RUBCN: variants seen among roughly 807,000 people sequenced by gnomAD.
RUBCN encodes the protein rubicon autophagy regulator, also known as run domain Beclin-1-interacting and cysteine-rich domain-containing protein.
Under a neutral mutation model 113.2 loss-of-function variants are expected in RUBCN, and 74 were observed. The observed-to-expected ratio is 0.65, with a 90% confidence interval of 0.54 to 0.79. The LOEUF is 0.79. Ranked by LOEUF, RUBCN falls within the 30% of genes least tolerant of loss-of-function variation. The pLI is 0.00. For missense variants in RUBCN, 1,109 were observed against 1,251.7 expected (o/e 0.89, Z 1.72); for synonymous variants, 480 against 490.0 (o/e 0.98, Z 0.27).
intron 11 of RUBCN, among the ~76,000 whole-genome samples, chr3:197,688,396 C>A (rs567825412): frequency 6.6e-6 from 1 of 152,190 alleles, no homozygotes; most frequent in Admixed American, 6.5e-5. Flanking sequence ...TGAGCCACCA[C>A]GTGAGGCTTC....
rs964014243 is a variant in RUBCN at position 197,681,920 on chromosome 3, G to C, written c.2127-21C>G. The C allele has an allele frequency of 6.2e-7, 1 of 1,606,448 alleles. No homozygotes were observed. The highest frequency in any genetic ancestry group is 1.3e-5 in the African/African-American group (1 of 74,832). On this transcript the variant is annotated intron_variant, in intron 14 of 19. Coordinates refer to ENST00000296343, the MANE Select transcript of RUBCN (RefSeq NM_014687.4). This position sits in a 1 kb window ranked among gnomAD's most constrained non-coding sequence, Gnocchi z 5.5. Reference sequence around the variant, plus strand: ...TCCTCCTGAGGAAGGGTAAGGACAGGGCATTGGCACAGAGCAGCTGCGTGA... The same window carrying C: ...TCCTCCTGAGGAAGGGTAAGGACAGCGCATTGGCACAGAGCAGCTGCGTGA...
chr3:197,689,932 C>T (rs946520236), intron 11 of RUBCN, among the ~76,000 whole-genome samples: 3 of 152,174 alleles, frequency 2.0e-5, no homozygotes, highest in Admixed American at 2.0e-4. Context: ...GTTGAACCCA[C>T]TAACCAACCT....
At chr3:197,732,180 T>C (rs1727588012) in intron 1 of RUBCN, among the ~76,000 whole-genome samples, 3 of 152,214 alleles carry the variant, frequency 2.0e-5, no homozygotes, top group African/African-American at 2.4e-5. Context: ...GAGCAGTACA[T>C]GTACCTGAGC....
chr3:197,730,176 G>C (rs1339124224), intron 1 of RUBCN, among the ~76,000 whole-genome samples: 1 of 152,104 alleles, frequency 6.6e-6, no homozygotes, highest in East Asian at 1.9e-4. Context: ...ATTTTGGTAA[G>C]AGAACCCTGA....
intron 11 of RUBCN, among the ~76,000 whole-genome samples, chr3:197,685,634 A>C (rs1021237739): frequency 6.6e-6 from 1 of 152,244 alleles, no homozygotes; most frequent in Non-Finnish European, 1.5e-5. Flanking sequence ...ACAGAAGTCA[A>C]ATCTGTTGGT....
At chr3:197,677,155 G>T in intron 17 of RUBCN, 117 bp from the exon 18 acceptor site, 1 of 1,162,156 alleles carries the variant, frequency 8.6e-7, no homozygotes, top group Non-Finnish European at 1.3e-6. Flanking sequence ...CCATCAGCCA[G>T]CCCAAGGTTC....
chr3:197,698,606 T>A (rs1474813788), intron 7 of RUBCN, among the ~76,000 whole-genome samples: 2 of 151,422 alleles, frequency 1.3e-5, no homozygotes, highest in Admixed American at 1.3e-4. Flanking sequence ...AAACCAAACA[T>A]GCAAGTATAT....
At chr3:197,682,666 T>C (rs1721381250) in intron 13 of RUBCN, 51 bp from the exon 14 acceptor site, 1 of 1,602,106 alleles carries the variant, frequency 6.2e-7, no homozygotes, top group African/African-American at 1.4e-5. Context: ...GTGCTGCCCG[T>C]CATCTGGTGA....
intron 5 of RUBCN, among the ~76,000 whole-genome samples, chr3:197,702,967 T>C (rs1723848337): frequency 6.6e-6 from 1 of 152,134 alleles, no homozygotes; most frequent in South Asian, 2.1e-4. Context: ...AGGCTTGGTA[T>C]CCTTTGTCAA....
chr3:197,718,127 C>T lies in RUBCN; in HGVS notation c.69G>A (p.Arg23=), dbSNP rs191561054. The T allele has an allele frequency of 1.9e-4, 305 of 1,614,158 alleles. 1 individual carries two copies. The African/African-American group carries it at 2.7e-3, about 14-fold the overall frequency. The change falls in exon 2 of 20, where the codon AGG becomes AGA. Residue 23 remains arginine (R), a synonymous_variant. Transcript: ENST00000296343. ...AATTACCCAGCAACTGCCAGTGCTC[C>T]CTCCTGCAAGGGCATCAGTTACACC... is the stretch of plus-strand genomic sequence containing the variant. The part of the protein sequence containing the change: ...GEERLPEESR[R]EHWQLLGNLK...
rs1721207295 is a variant in RUBCN at position 197,681,281 on chromosome 3, T to C, written c.2278A>G (p.Ser760Gly). Residue 760 changes from serine to glycine, a missense_variant, in exon 16 of 20, where the codon AGC (serine) becomes GGC (glycine). Physicochemically the swap from Ser to Gly is moderately conservative, Grantham distance 56. Transcript: ENST00000296343. The surrounding 1 kb of genome is among the most constrained non-coding windows in gnomAD (Gnocchi z 5.5). ...CHENAQMAIP[S>G]RVLRKWDFSK... ...AAGTCCCACTTGCGCAGAACCCGGC[T>C]GGGGATGGCCATCTGGGCATTCTCG... The C allele has an allele frequency of 6.2e-7, 1 of 1,614,052 alleles. No homozygotes were observed. Among genetic ancestry groups the C allele is most frequent in the Non-Finnish European group, 8.5e-7 (1 of 1,180,022 alleles).
rs369763478 is a variant in RUBCN at position 197,675,132 on chromosome 3, C to T, written c.2805G>A (p.Leu935=). The part of the protein sequence containing the change: ...KSGSCPRCER[L]QARREALARQ... ...TGGCCAGTGCCTCCCGCCGGGCCTG[C>T]AGCCGCTCGCAGCGCGGACAGCTTC... The change falls in exon 20 of 20, where the codon CTG becomes CTA. Residue 935 remains leucine, a synonymous_variant. Coordinates refer to ENST00000296343, the MANE Select transcript of RUBCN (RefSeq NM_014687.4). This position sits in a 1 kb window ranked among gnomAD's most constrained non-coding sequence, Gnocchi z 4.4. 8.1e-6 allele frequency: 13 copies of T among 1,613,978 alleles called. No individual in the cohort carries two copies. In the African/African-American group the frequency reaches 1.2e-4, roughly 15 times the overall value.
Position 197,683,172 on chromosome 3 carries a change from C to A in RUBCN, c.1980+135G>T. On this transcript the variant is annotated intron_variant, in intron 13 of 19. Transcript: ENST00000296343. This position sits in a 1 kb window ranked among gnomAD's most constrained non-coding sequence, Gnocchi z 4.6. Reference sequence around the variant, plus strand: ...TCACTCGTTCATTTATCACTTGACACATTGTAATGAATGGCTTCCACGAGT... The same window carrying A: ...TCACTCGTTCATTTATCACTTGACAAATTGTAATGAATGGCTTCCACGAGT... 3 of 1,097,460 alleles carry A rather than the reference C, an allele frequency of 2.7e-6. No individual in the cohort carries two copies. Among genetic ancestry groups the A allele is most frequent in the Non-Finnish European group, 4.2e-6 (3 of 712,312 alleles). 68.0% of individuals were successfully genotyped at this position (1,097,460 alleles called of 1,614,324 possible).
At chr3:197,713,734 A>G (rs1036397192) in intron 2 of RUBCN, among the ~76,000 whole-genome samples, 2 of 151,888 alleles carry the variant, frequency 1.3e-5, no homozygotes, top group Non-Finnish European at 2.9e-5. Context: ...GCTTCAGGAA[A>G]ATACACAGAG....
At position 197,675,121 on chromosome 3, in the gene RUBCN, C is replaced by T. The variant is rs762579630; in HGVS notation, c.2816G>A (p.Arg939Gln). 256 of 1,613,646 alleles carry T rather than the reference C, an allele frequency of 1.6e-4. No homozygotes were observed. Among genetic ancestry groups the T allele is most frequent in the Non-Finnish European group, 2.1e-4 (244 of 1,180,036 alleles). The change falls in exon 20 of 20, where the codon CGG (arginine) becomes CAG (glutamine). Residue 939 changes from arginine to glutamine, a missense_variant. By Grantham distance (43) the Arg-to-Gln change is conservative (BLOSUM62 1). Coordinates refer to ENST00000296343, the MANE Select transcript of RUBCN (RefSeq NM_014687.4). The surrounding 1 kb of genome is among the most constrained non-coding windows in gnomAD (Gnocchi z 4.4). ...CAGGCTCTGCCTGGCCAGTGCCTCC[C>T]GCCGGGCCTGCAGCCGCTCGCAGCG... The part of the protein sequence containing the change: ...CPRCERLQAR[R>Q]EALARQSLES...
At chr3:197,736,908 C>T, upstream of RUBCN, 1 of 1,361,050 alleles carries the variant, frequency 7.3e-7, no homozygotes, top group Non-Finnish European at 9.4e-7. Context: ...CGGCCACCCC[C>T]ACTTCCGGCT....
intron 16 of RUBCN, among the ~76,000 whole-genome samples, chr3:197,678,801 C>T (rs925690301): frequency 3.3e-5 from 5 of 149,350 alleles, no homozygotes; most frequent in Non-Finnish European, 5.9e-5. Flanking sequence ...GACTGTCCTA[C>T]GCTCTGACAA....
intron 1 of RUBCN, among the ~76,000 whole-genome samples, chr3:197,742,323 T>C (rs994907352): frequency 6.6e-6 from 1 of 151,950 alleles, no homozygotes; most frequent in Non-Finnish European, 1.5e-5. Context: ...TGAAACCCCA[T>C]CTCTACTAAA....
chr3:197,735,036 G>C (rs1727959732), intron 1 of RUBCN, among the ~76,000 whole-genome samples: 1 of 152,180 alleles, frequency 6.6e-6, no homozygotes, highest in African/African-American at 2.4e-5. Flanking sequence ...TAAATATTCT[G>C]CTTCTAGTTT....
Sources: gnomAD v4.1 joint callset for allele counts (sites outside exome capture counted in the v4.1 genomes callset) on GRCh38, gnomAD v4.1.1 for gene constraint, Gnocchi (gnomAD v3.1) non-coding constraint, MANE v1.5 for transcripts, NCBI Gene and HGNC (gene_info 2026-07-23, HGNC 2026-07-21) for gene names.